The following IQCE variants were observed in gnomAD, a reference collection of about 807,000 sequenced individuals.
The protein encoded by IQCE is IQ domain-containing protein E.
A neutral mutation model predicts 96.0 loss-of-function variants in IQCE; 115 were observed. The observed-to-expected ratio is 1.20, with a 90% CI of 1.03 to 1.40. The LOEUF is 1.40. Among genes scored for constraint, IQCE ranks in the 40% most tolerant of loss-of-function variants. The pLI is 0.00. For synonymous variants in IQCE, 412 were observed against 371.2 expected (o/e 1.11, Z -1.26); for missense variants, 1,041 against 909.1 (o/e 1.15, Z -1.87).
intron 14 of IQCE, among the ~76,000 whole-genome samples, chr7:2,591,786 A>G (rs2128459978): frequency 6.6e-6 from 1 of 151,598 alleles, no homozygotes; most frequent in South Asian, 2.1e-4. Flanking sequence ...ACACCTGGCT[A>G]ATTTTTGTAT....
At position 2,607,146 on chromosome 7, in the gene IQCE, A is replaced by G. The variant is rs764720645; in HGVS notation, c.1888A>G (p.Thr630Ala). ...RHSATGKRTT[T>A]AASTRRRSAS... ...CAGTGCTACCGGTAAAAGAACCACC[A>G]CCGCAGCTTCTACCAGGAGGAGATC... Residue 630 changes from threonine to alanine, a missense_variant, in exon 21 of 22, where the codon ACC becomes GCC. Transcript: ENST00000402050. 194 of 1,607,450 alleles carry G rather than the reference A, an allele frequency of 1.2e-4. No individual in the cohort carries two copies. The highest frequency in any genetic ancestry group is 1.5e-4 in the Non-Finnish European group (181 of 1,177,488).
intron 6 of IQCE, among the ~76,000 whole-genome samples, chr7:2,577,226 G>T (rs2128442870): frequency 6.6e-6 from 1 of 152,350 alleles, no homozygotes; most frequent in African/African-American, 2.4e-5. Context: ...TGTGTGGTGT[G>T]TGTGCAGTGG....
intron 21 of IQCE, chr7:2,607,430 G>T: frequency 7.5e-7 from 1 of 1,335,866 alleles, no homozygotes; most frequent in South Asian, 1.9e-5. Context: ...TGTCCTTTGT[G>T]CCTGGAATTG....
chr7:2,575,857 C>T (rs6461462), intron 6 of IQCE, among the ~76,000 whole-genome samples: 25,518 of 152,090 alleles, frequency 0.17, 2,536 homozygotes, highest in African/African-American at 0.26. Flanking sequence ...CCCCGGCTCC[C>T]GGCCCATCCG....
intron 6 of IQCE, among the ~76,000 whole-genome samples, chr7:2,574,966 T>C (rs1209349608): frequency 6.6e-6 from 1 of 152,238 alleles, no homozygotes; most frequent in Non-Finnish European, 1.5e-5. Context: ...GCCCACCCTG[T>C]GCCTCTTCAC....
At chr7:2,583,314 G>T (rs1251865180) in intron 9 of IQCE, among the ~76,000 whole-genome samples, 1 of 152,142 alleles carries the variant, frequency 6.6e-6, no homozygotes, top group Non-Finnish European at 1.5e-5. Context: ...AAGCTCCAAG[G>T]CCTTTCCGCA....
intron 1 of IQCE, among the ~76,000 whole-genome samples, chr7:2,560,955 CAAAAAAA>C (rs746886884): frequency 6.8e-5 from 4 of 58,786 alleles, no homozygotes; most frequent in South Asian, 5.9e-4. Context: ...GACTCTGTCT[CAAAAAAA>C]AAAAAAAAAA....
Position 2,607,211 on chromosome 7 carries a change from C to T in IQCE, c.1953C>T (p.Phe651=), listed in dbSNP as rs1312306891. The change falls in exon 21 of 22, where the codon TTC becomes TTT. Residue 651 remains phenylalanine, a synonymous_variant. Transcript: ENST00000402050. Reference sequence around the variant, plus strand: ...ACGGGGACGCCTCCTCCCCACCCTTCCTCGCAGCTCTTCCTGGTAATTTCA... The same window carrying T: ...ACGGGGACGCCTCCTCCCCACCCTTTCTCGCAGCTCTTCCTGGTAATTTCA... The part of the protein sequence containing the change: ...ATHGDASSPP[F]LAALPDPSPS... 3 of 1,613,808 alleles carry T rather than the reference C, an allele frequency of 1.9e-6. No homozygotes were observed. The highest frequency in any genetic ancestry group is 1.3e-5 in the African/African-American group (1 of 74,930).
chr7:2,595,896 C>G (rs897495790), intron 16 of IQCE, among the ~76,000 whole-genome samples: 3 of 152,038 alleles, frequency 2.0e-5, no homozygotes, highest in Admixed American at 6.5e-5. Flanking sequence ...GCTGTACTTG[C>G]CTCCCTGGAG....
At chr7:2,567,197 G>C in intron 2 of IQCE, 34 bp downstream of exon 2, 1 of 1,591,470 alleles carries the variant, frequency 6.3e-7, no homozygotes, top group Non-Finnish European at 8.6e-7. Context: ...GTGCGACCTC[G>C]GGCTGGTTGC....
chr7:2,584,104 A>G, intron 10 of IQCE, 132 bp from the exon 11 acceptor site: 1 of 815,306 alleles, frequency 1.2e-6, no homozygotes, highest in Non-Finnish European at 2.2e-6. Flanking sequence ...CCCAACGGAA[A>G]GATGAAGTGC....
At chr7:2,598,718 C>T (rs1413648500) in intron 17 of IQCE, 86 bp downstream of exon 17, 1 of 1,226,688 alleles carries the variant, frequency 8.2e-7, no homozygotes. Context: ...AATGACTGGG[C>T]CTGGAGGGCC....
At chr7:2,597,032 G>C (rs1348023592) in intron 16 of IQCE, 1 of 471,240 alleles carries the variant, frequency 2.1e-6, no homozygotes, top group African/African-American at 2.0e-5. Flanking sequence ...ACAGGAGGCA[G>C]GGCACGCAAG....
chr7:2,609,108 C>G (rs1028779424), intron 21 of IQCE, among the ~76,000 whole-genome samples: 2 of 152,096 alleles, frequency 1.3e-5, no homozygotes, highest in African/African-American at 4.8e-5. Flanking sequence ...GGACCCGTCC[C>G]TTCTTCAGCT....
At chr7:2,601,601 G>A in intron 18 of IQCE, 137 bp downstream of exon 18, 1 of 722,108 alleles carries the variant, frequency 1.4e-6, no homozygotes, top group Non-Finnish European at 2.5e-6. Context: ...CCAGCCTGGA[G>A]TGCAGTGGTG....
intron 16 of IQCE, 134 bp downstream of exon 16, chr7:2,595,110 G>A (rs1370169237): frequency 3.0e-6 from 2 of 677,336 alleles, no homozygotes; most frequent in Non-Finnish European, 5.4e-6. Flanking sequence ...CATCACCATT[G>A]ATTTCTATAA....
chr7:2,577,457 C>T (rs1297296552), intron 6 of IQCE, among the ~76,000 whole-genome samples: 2 of 70,736 alleles, frequency 2.8e-5, no homozygotes, highest in African/African-American at 5.4e-5. Context: ...CTTGGCTGTG[C>T]GCGCGGGGAC....
chr7:2,578,567 C>A, intron 8 of IQCE, 41 bp downstream of exon 8: 1 of 1,607,490 alleles, frequency 6.2e-7, no homozygotes. Context: ...TCCCCAGACG[C>A]TAGTTACTGG....
rs1313967019 is a variant in IQCE at position 2,587,817 on chromosome 7, AT to A, written c.989-4del. On this transcript the variant is annotated splice_region_variant and splice_polypyrimidine_tract_variant and intron_variant, in intron 12 of 21. Transcript: ENST00000402050. ...GCCGTTTTGAAACCGCATTGCTTCCATCAGGTTATGTGGAGTGGAGCAAGCC... is the reference window on the plus strand; with the variant it reads ...GCCGTTTTGAAACCGCATTGCTTCCACAGGTTATGTGGAGTGGAGCAAGCC... 8.1e-6 allele frequency: 13 copies of A among 1,613,940 alleles called. No individual in the cohort carries two copies. Among genetic ancestry groups the A allele is most frequent in the African/African-American group, 1.3e-5 (1 of 75,042 alleles).
Sources: allele counts gnomAD v4.1 joint callset (sites outside exome capture counted in the v4.1 genomes callset), GRCh38; gene constraint gnomAD v4.1.1; transcripts MANE v1.5; gene names NCBI Gene and HGNC (gene_info 2026-07-23, HGNC 2026-07-21).